The following CPEB3 variants were observed in gnomAD, a reference collection of about 807,000 sequenced individuals.
CPEB3 encodes cytoplasmic polyadenylation element binding protein 3, also known as cytoplasmic polyadenylation element-binding protein 3.
Under a neutral mutation model 67.2 loss-of-function variants are expected in CPEB3, and 20 were observed. The observed-to-expected ratio is 0.30, with a 90% confidence interval of 0.21 to 0.43. The LOEUF (loss-of-function observed/expected upper bound fraction) is 0.43, where lower values mean the gene tolerates loss of function less well. CPEB3 is among the 20% of genes least tolerant of loss of function. The probability of loss-of-function intolerance (pLI) is 1.00; values close to 1 mark genes in which losing one functional copy is unlikely to be tolerated. For missense variants in CPEB3, 746 were observed against 968.6 expected, an observed-to-expected ratio of 0.77 and a Z score of 3.05; for synonymous variants, 376 against 393.1, an observed-to-expected ratio of 0.96 and a Z score of 0.51.
intron 2 of CPEB3, among the ~76,000 whole-genome samples, chr10:92,236,902 G>C (rs368962568): frequency 2.0e-5 from 3 of 152,274 alleles, no homozygotes; most frequent in African/African-American, 7.2e-5. Flanking sequence ...ACATACATTA[G>C]AGTAGATCAC....
intron 4 of CPEB3, among the ~76,000 whole-genome samples, chr10:92,162,072 G>A (rs1459751989): frequency 6.6e-6 from 1 of 151,950 alleles, no homozygotes; most frequent in Non-Finnish European, 1.5e-5. Context: ...TTCTTTCAAA[G>A]GTCTATCTAC....
Position 92,239,825 on chromosome 10 carries a change from CCGGCTGCGGCGCGGGCGCAGG to C in CPEB3, c.505_525del (p.Pro169_Pro175del). Reference sequence around the variant, plus strand: ...GCCTGTGGTGGCTGCGCTGGCTGTGCCGGCTGCGGCGCGGGCGCAGGCGGCGGCGGCTGCTGGTGGTGCTGG... The same window carrying C: ...GCCTGTGGTGGCTGCGCTGGCTGTGCCGGCGGCGGCTGCTGGTGGTGCTGG... On this transcript the variant is annotated inframe_deletion, in exon 2 of 10. Coordinates refer to ENST00000265997, the MANE Select transcript of CPEB3 (RefSeq NM_014912.5). This position sits in a 1 kb window ranked among gnomAD's most constrained non-coding sequence, Gnocchi z 6.0. 1.4e-6 allele frequency: 2 copies of C among 1,466,970 alleles called. No homozygotes were observed. Among genetic ancestry groups the C allele is most frequent in the South Asian group, 2.8e-5 (2 of 70,406 alleles). The allele number at this position is 1,466,970 out of a possible 1,614,324, so 90.9% of individuals were successfully genotyped here.
At chr10:92,070,853 TAAA>T (rs56263574) in intron 9 of CPEB3, among the ~76,000 whole-genome samples, 4 of 144,542 alleles carry the variant, frequency 2.8e-5, no homozygotes, top group Admixed American at 1.4e-4. Flanking sequence ...GTGACAGGTT[TAAA>T]AAAAAAAAAA....
At chr10:92,242,810 C>G (rs573496816) in intron 1 of CPEB3, among the ~76,000 whole-genome samples, 1 of 152,254 alleles carries the variant, frequency 6.6e-6, no homozygotes, top group Non-Finnish European at 1.5e-5. Flanking sequence ...CAGGAACACC[C>G]ATTTCTCTTC....
rs572352612 is a variant in CPEB3 at position 92,210,975 on chromosome 10, T to C, written c.1006-18339A>G. On this transcript the variant is annotated intron_variant, in intron 2 of 9. Transcript: ENST00000265997. ...CGCTTGAGCCTGGTACATATATAAA[T>C]ACAGGCAGAGGTTGCAGTGAGCTGA... 1.1e-4 allele frequency among the ~76,000 whole-genome samples: 16 copies of C among 152,222 alleles called. No individual in the cohort carries two copies. In the South Asian group the frequency reaches 3.3e-3, roughly 32 times the overall value.
intron 4 of CPEB3, among the ~76,000 whole-genome samples, chr10:92,162,166 T>C (rs1847518361): frequency 6.6e-6 from 1 of 152,132 alleles, no homozygotes; most frequent in Non-Finnish European, 1.5e-5. Flanking sequence ...AGAAAGAATC[T>C]TTTTACTGTT....
chr10:92,111,326 G>A (rs1053989679), intron 6 of CPEB3, 132 bp from the exon 7 acceptor site: 4 of 696,420 alleles, frequency 5.7e-6, no homozygotes, highest in Middle Eastern at 8.3e-4. Flanking sequence ...TGGGACAAAG[G>A]GACTTTGTCC....
At chr10:92,181,045 A>T (rs780201270) in intron 3 of CPEB3, 26 bp from the exon 4 acceptor site, 3 of 1,276,124 alleles carry the variant, frequency 2.4e-6, no homozygotes, top group Non-Finnish European at 3.4e-6. Flanking sequence ...ATTTTAAGCA[A>T]AAAGAATGTT....
At chr10:92,137,268 C>A (rs1272254371) in intron 6 of CPEB3, 14 of 611,400 alleles carry the variant, frequency 2.3e-5, no homozygotes, top group Non-Finnish European at 3.8e-5. Flanking sequence ...GGGGCACCAA[C>A]GTGCATGCTG....
At chr10:92,249,471 ACT>A (rs1480786369) in intron 1 of CPEB3, among the ~76,000 whole-genome samples, 1 of 152,084 alleles carries the variant, frequency 6.6e-6, no homozygotes, top group Non-Finnish European at 1.5e-5. Flanking sequence ...TCATGTATTT[ACT>A]TTTTATCATT....
At chr10:92,280,753 C>CTTTTTTTTT (rs948586177) in intron 1 of CPEB3, among the ~76,000 whole-genome samples, 1 of 91,666 alleles carries the variant, frequency 1.1e-5, no homozygotes, top group Non-Finnish European at 2.0e-5. Flanking sequence ...AGCATCTATT[C>CTTTTTTTTT]TTTTTTTTTT....
At chr10:92,192,073 C>A (rs1002442253) in intron 3 of CPEB3, among the ~76,000 whole-genome samples, 2 of 152,148 alleles carry the variant, frequency 1.3e-5, no homozygotes, top group African/African-American at 4.8e-5. Context: ...CCTTTATATG[C>A]AGTTTTCTGA....
intron 9 of CPEB3, among the ~76,000 whole-genome samples, chr10:92,060,752 A>G (rs896370707): frequency 7.2e-5 from 11 of 152,210 alleles, no homozygotes; most frequent in African/African-American, 2.7e-4. Context: ...GGCAAACGGA[A>G]TATGAAAAGG....
At chr10:92,053,395 C>T (rs1026650931) in intron 9 of CPEB3, among the ~76,000 whole-genome samples, 19 of 151,584 alleles carry the variant, frequency 1.3e-4, no homozygotes, top group East Asian at 1.9e-4. Flanking sequence ...GATGGAGTCT[C>T]ACTCTGTCGC....
intron 7 of CPEB3, among the ~76,000 whole-genome samples, chr10:92,105,638 T>C (rs1250456553): frequency 2.0e-5 from 3 of 152,152 alleles, no homozygotes; most frequent in Non-Finnish European, 4.4e-5. Flanking sequence ...TTTATCTTTG[T>C]TACTTTGGCA....
chr10:92,133,271 G>A (rs1207781076), intron 6 of CPEB3, among the ~76,000 whole-genome samples: 1 of 152,058 alleles, frequency 6.6e-6, no homozygotes, highest in Non-Finnish European at 1.5e-5. Context: ...TAGACTGCTA[G>A]CAAGACTAAT....
chr10:92,070,986 A>T (rs1160642587), intron 9 of CPEB3, among the ~76,000 whole-genome samples: 1 of 152,010 alleles, frequency 6.6e-6, no homozygotes, highest in Non-Finnish European at 1.5e-5. Context: ...TTCAAATATT[A>T]GTCATCCATG....
intron 2 of CPEB3, among the ~76,000 whole-genome samples, chr10:92,210,442 T>A (rs1343264572): frequency 6.6e-6 from 1 of 152,186 alleles, no homozygotes. Context: ...GGCAAATATA[T>A]TCCATTCAAC....
chr10:92,107,097 A>G (rs1449259097), intron 7 of CPEB3, among the ~76,000 whole-genome samples: 1 of 152,180 alleles, frequency 6.6e-6, no homozygotes, highest in Non-Finnish European at 1.5e-5. Flanking sequence ...AGGAGGAAAC[A>G]CCAGAATGAC....
Sources: allele counts gnomAD v4.1 joint callset (sites outside exome capture counted in the v4.1 genomes callset), GRCh38; gene constraint gnomAD v4.1.1; non-coding constraint Gnocchi (gnomAD v3.1); transcripts MANE v1.5; gene names NCBI Gene and HGNC (gene_info 2026-07-23, HGNC 2026-07-21).